Variants in SPATS1 observed in about 807,000 individuals in gnomAD.
The protein encoded by SPATS1 is spermatogenesis associated serine rich 1.
SPATS1 carries 23 observed loss-of-function variants against 33.6 expected under a neutral mutation model. The ratio of observed to expected loss-of-function variants is 0.68; its 90% CI spans 0.49 to 0.97. The LOEUF (loss-of-function observed/expected upper bound fraction) is 0.97, where lower values mean the gene tolerates loss of function less well. SPATS1 is among the 50% of genes least tolerant of loss of function. The probability of loss-of-function intolerance (pLI) is 0.00; values close to 1 mark genes in which losing one functional copy is unlikely to be tolerated. For missense variants in SPATS1, 327 were observed against 361.0 expected (o/e 0.91, Z 0.76); for synonymous variants, 131 against 125.6 (o/e 1.04, Z -0.29).
chr6:44,369,163 T>C (rs1421787364), intron 6 of SPATS1, among the ~76,000 whole-genome samples: 2 of 152,174 alleles, frequency 1.3e-5, no homozygotes, highest in Non-Finnish European at 2.9e-5. Flanking sequence ...CCCAAAGTGC[T>C]GGGTAGTTGG....
chr6:44,380,104 A>G lies in SPATS1; in HGVS notation c.*3041A>G, dbSNP rs903160129. On this transcript the variant is annotated 3_prime_UTR_variant, in exon 9 of 9. Transcript: ENST00000674044. ...CTTTTGCTTCTTTCCAGCTAGAAAG[A>G]GGTTGAACCTGTTAGATGTAAAGAT... 6.6e-6 allele frequency among the ~76,000 whole-genome samples: 1 copy of G among 152,216 alleles called. No homozygotes were observed. Among genetic ancestry groups the G allele is most frequent in the South Asian group, 2.1e-4 (1 of 4,832 alleles).
intron 5 of SPATS1, among the ~76,000 whole-genome samples, chr6:44,364,511 A>C (rs1223301655): frequency 6.6e-6 from 1 of 152,054 alleles, no homozygotes; most frequent in Non-Finnish European, 1.5e-5. Context: ...TTTCCTGTGT[A>C]TTTCCTGTGA....
chr6:44,347,139 C>G (rs780879272), intron 2 of SPATS1, among the ~76,000 whole-genome samples: 2 of 152,142 alleles, frequency 1.3e-5, no homozygotes, highest in Non-Finnish European at 2.9e-5. Flanking sequence ...AAACCAAACA[C>G]TGCATGTTCT....
At chr6:44,357,037 G>A (rs768799069) in intron 3 of SPATS1, among the ~76,000 whole-genome samples, 18 of 152,032 alleles carry the variant, frequency 1.2e-4, no homozygotes, top group South Asian at 4.1e-4. Context: ...ATGTCATGTC[G>A]TTGCTTACCA....
At chr6:44,376,990 T>C in intron 8 of SPATS1, 45 bp from the exon 9 acceptor site, 3 of 1,612,852 alleles carry the variant, frequency 1.9e-6, no homozygotes, top group Non-Finnish European at 2.5e-6. Context: ...GAATTGTTAG[T>C]TTTGTAATGG....
At chr6:44,345,409 G>A (rs901316823) in intron 2 of SPATS1, among the ~76,000 whole-genome samples, 1 of 152,174 alleles carries the variant, frequency 6.6e-6, no homozygotes, top group African/African-American at 2.4e-5. Context: ...GCAAGGAAGT[G>A]TGCTAAAGTT....
At chr6:44,372,603 A>T (rs1167828746) in intron 7 of SPATS1, among the ~76,000 whole-genome samples, 4 of 152,106 alleles carry the variant, frequency 2.6e-5, no homozygotes, top group Non-Finnish European at 5.9e-5. Flanking sequence ...CTGGGATTAC[A>T]GGCACGTGCC....
chr6:44,364,500 CTTTCCTGTGTA>C (rs1006727020), intron 5 of SPATS1, among the ~76,000 whole-genome samples: 2 of 152,228 alleles, frequency 1.3e-5, no homozygotes, highest in African/African-American at 4.8e-5. Flanking sequence ...ACAGGTTCCT[CTTTCCTGTGTA>C]TTTCCTGTGA....
In SPATS1 at chr6:44,366,686, C is replaced by A. The variant is rs148789509; in HGVS notation, c.575-1693C>A. On this transcript the variant is annotated intron_variant, in intron 5 of 8. Transcript: ENST00000674044. The stretch of plus-strand genomic sequence containing the variant: ...TATGTCTCCCTATCTAGATAAGATT[C>A]CCTGGGGAGAAATTTATACCTCAGC... Among the ~76,000 whole-genome samples, 673 of 152,222 alleles carry A rather than the reference C, an allele frequency of 4.4e-3. 8 individuals carry two copies. The highest frequency in any genetic ancestry group is 0.016 in the African/African-American group (644 of 41,528).
chr6:44,377,348 T>C lies in SPATS1; in HGVS notation c.*285T>C, dbSNP rs1790022065. 1 of 496,234 alleles carries C rather than the reference T, an allele frequency of 2.0e-6. No homozygotes were observed. Among genetic ancestry groups the C allele is most frequent in the Non-Finnish European group, 3.6e-6 (1 of 274,958 alleles). 30.7% of individuals were successfully genotyped at this position (496,234 alleles called of 1,614,324 possible). On this transcript the variant is annotated 3_prime_UTR_variant, in exon 9 of 9. Transcript: ENST00000674044. ...TATTACAGTTACCATTTTGCTGAAC[T>C]CTTTGAGAGTGAGTGGCAGATATTG...
At chr6:44,357,584 G>A (rs1349932355) in intron 3 of SPATS1, among the ~76,000 whole-genome samples, 1 of 152,102 alleles carries the variant, frequency 6.6e-6, no homozygotes, top group Non-Finnish European at 1.5e-5. Context: ...GTTTCACTAT[G>A]TTGGCCAGGC....
intron 2 of SPATS1, among the ~76,000 whole-genome samples, chr6:44,344,468 G>A (rs1483382990): frequency 6.6e-6 from 1 of 151,810 alleles, no homozygotes; most frequent in East Asian, 1.9e-4. Context: ...CTGCTCATGG[G>A]GGAGAGGATA....
rs1790058311 is a variant in SPATS1 at position 44,378,248 on chromosome 6, C to T, written c.*1185C>T. 6.6e-6 allele frequency: 1 copy of T among 151,988 alleles called. No individual in the cohort carries two copies. The highest frequency in any genetic ancestry group is 1.5e-5 in the Non-Finnish European group (1 of 68,024). 9.4% of individuals were successfully genotyped at this position (151,988 alleles called of 1,614,324 possible). ...ACAAAAGCTGCCTCACAGGCTTTGACACAGTCAAACTAGTGACTCACGGCA... is the reference window on the plus strand; with the variant it reads ...ACAAAAGCTGCCTCACAGGCTTTGATACAGTCAAACTAGTGACTCACGGCA... On this transcript the variant is annotated 3_prime_UTR_variant, in exon 9 of 9. Coordinates refer to ENST00000674044, the MANE Select transcript of SPATS1 (RefSeq NM_001372081.1).
rs903898734 is a variant in SPATS1, at chr6:44,371,970, G to A, written c.758+1857G>A. 3.0e-5 allele frequency among the ~76,000 whole-genome samples: 4 copies of A among 134,106 alleles called. No homozygotes were observed. The South Asian group carries it at 9.7e-4, about 33-fold the overall frequency. 88.0% of individuals were successfully genotyped at this position (134,106 alleles called of 152,430 possible). ...AAAAAAAAAAAAAAAAAAGATTTTT[G>A]TTTGCAGCCGGGCATGATGGCTCAC... On this transcript the variant is annotated intron_variant, in intron 7 of 8. Coordinates refer to ENST00000674044, the MANE Select transcript of SPATS1 (RefSeq NM_001372081.1).
chr6:44,359,616 GC>G (rs1180653094), intron 3 of SPATS1, among the ~76,000 whole-genome samples: 1 of 151,988 alleles, frequency 6.6e-6, no homozygotes, highest in East Asian at 1.9e-4. Flanking sequence ...TCACTTTGTT[GC>G]CCAGGCTGGA....
At chr6:44,352,464 G>T (rs984012334) in intron 2 of SPATS1, among the ~76,000 whole-genome samples, 1 of 151,968 alleles carries the variant, frequency 6.6e-6, no homozygotes. Flanking sequence ...TACTTTTTAT[G>T]CAATCATAGG....
At chr6:44,370,016 A>C in intron 6 of SPATS1, 35 bp from the exon 7 acceptor site, 78 of 1,517,474 alleles carry the variant, frequency 5.1e-5, no homozygotes, top group Non-Finnish European at 6.8e-5. Context: ...TGTAGATGGC[A>C]TACCAGTTTT....
chr6:44,358,608 GT>G (rs1334791656), intron 3 of SPATS1, among the ~76,000 whole-genome samples: 1 of 152,092 alleles, frequency 6.6e-6, no homozygotes, highest in African/African-American at 2.4e-5. Context: ...CAACTCGATG[GT>G]TTTTAGTGTA....
rs1243948851 is a variant in SPATS1, at chr6:44,379,714, C to T, written c.*2651C>T. Among the ~76,000 whole-genome samples the T allele has an allele frequency of 6.7e-6, 1 of 149,962 alleles. No individual in the cohort carries two copies. The highest frequency in any genetic ancestry group is 6.6e-5 in the Admixed American group (1 of 15,070). ...AGGTTTCAAAGAGGTCTATATAATT[C>T]CTAGGTGCTGCTCTAAGTAGATATG... On this transcript the variant is annotated 3_prime_UTR_variant, in exon 9 of 9. Coordinates refer to ENST00000674044, the MANE Select transcript of SPATS1 (RefSeq NM_001372081.1).
Sources: allele counts gnomAD v4.1 joint callset (sites outside exome capture counted in the v4.1 genomes callset), GRCh38; gene constraint gnomAD v4.1.1; transcripts MANE v1.5; gene names NCBI Gene and HGNC (gene_info 2026-07-23, HGNC 2026-07-21).